WDPCP: variants seen among roughly 807,000 people sequenced by gnomAD.
WDPCP encodes WD repeat containing planar cell polarity effector.
WDPCP carries 71 observed loss-of-function variants against 93.1 expected under a neutral mutation model. That is an observed-to-expected ratio of 0.76 (90% CI 0.63 to 0.93). The LOEUF (loss-of-function observed/expected upper bound fraction) is 0.93. Among genes scored for constraint, WDPCP ranks in the 40% least tolerant of loss-of-function variants. The probability of loss-of-function intolerance (pLI) is 0.00; values close to 1 mark genes in which losing one functional copy is unlikely to be tolerated. For missense variants in WDPCP, 844 were observed against 887.4 expected, an observed-to-expected ratio of 0.95 and a Z score of 0.62; for synonymous variants, 315 against 315.0, an observed-to-expected ratio of 1.00 and a Z score of 0.00.
At chr2:63,200,344 T>C (rs1158595711) in intron 14 of WDPCP, among the ~76,000 whole-genome samples, 1 of 152,210 alleles carries the variant, frequency 6.6e-6, no homozygotes, top group African/African-American at 2.4e-5. Flanking sequence ...GCTGGGTATC[T>C]ACTCAAAAGA....
intron 14 of WDPCP, among the ~76,000 whole-genome samples, chr2:63,252,085 AC>A (rs1680773748): frequency 6.6e-6 from 1 of 152,200 alleles, no homozygotes; most frequent in Non-Finnish European, 1.5e-5. Context: ...AAGTTAATTC[AC>A]CATGATCAAG....
At chr2:63,465,965 G>A (rs1200253885) in intron 6 of WDPCP, among the ~76,000 whole-genome samples, 1 of 152,114 alleles carries the variant, frequency 6.6e-6, no homozygotes, top group Admixed American at 6.6e-5. Flanking sequence ...CCTGCAGCAT[G>A]CCTGTGAATT....
At chr2:63,638,274 C>T (rs1349269574) in intron 3 of WDPCP, among the ~76,000 whole-genome samples, 1 of 152,002 alleles carries the variant, frequency 6.6e-6, no homozygotes. Context: ...TTGAAATTTG[C>T]TATGAGAGTA....
chr2:63,131,507 T>G (rs1670289246), intron 17 of WDPCP, among the ~76,000 whole-genome samples: 1 of 152,162 alleles, frequency 6.6e-6, no homozygotes, highest in Non-Finnish European at 1.5e-5. Flanking sequence ...AAACTTACAT[T>G]TATATATTGT....
intron 12 of WDPCP, among the ~76,000 whole-genome samples, chr2:63,340,680 A>G (rs1688771648): frequency 6.6e-6 from 1 of 152,142 alleles, no homozygotes; most frequent in Non-Finnish European, 1.5e-5. Flanking sequence ...GATGGATGTG[A>G]AAGTCCAATT....
intron 3 of WDPCP, chr2:63,599,246 ACTT>A (rs754360894): frequency 6.2e-7 from 1 of 1,613,752 alleles, no homozygotes; most frequent in Non-Finnish European, 8.5e-7. Flanking sequence ...CCCAAGGAGA[ACTT>A]CAGTTGCTTG....
intron 14 of WDPCP, among the ~76,000 whole-genome samples, chr2:63,178,596 T>C (rs998610899): frequency 3.3e-5 from 5 of 152,012 alleles, no homozygotes; most frequent in African/African-American, 1.2e-4. Context: ...TCTTCTCTCT[T>C]TTTTTTAATT....
Position 63,313,272 on chromosome 2 carries a change from G to A in WDPCP, c.1788C>T (p.Asp596=), listed in dbSNP as rs185980830. ...CCATAAAGAGGTCACGAGCACCAACGTCAACAGCTAGGAGAAATGCCTTTT... is the reference window on the plus strand; with the variant it reads ...CCATAAAGAGGTCACGAGCACCAACATCAACAGCTAGGAGAAATGCCTTTT... ...RFEKAFLLAV[D]VGARDLFMDI... The change falls in exon 13 of 18, where the codon GAC becomes GAT. Residue 596 remains aspartate (D), a synonymous_variant. Transcript: ENST00000272321. The A allele has an allele frequency of 6.7e-5, 108 of 1,613,642 alleles. No homozygotes were observed. In the African/African-American group the frequency reaches 7.1e-4, roughly 11 times the overall value.
chr2:63,707,847 T>A (rs1328522801), intron 2 of WDPCP, among the ~76,000 whole-genome samples: 1 of 152,232 alleles, frequency 6.6e-6, no homozygotes, highest in Non-Finnish European at 1.5e-5. Context: ...CTTCTAACAG[T>A]CAGGACCCTC....
intron 3 of WDPCP, among the ~76,000 whole-genome samples, chr2:63,487,131 C>T (rs1364290190): frequency 6.6e-6 from 1 of 152,022 alleles, no homozygotes; most frequent in Admixed American, 6.6e-5. Context: ...AGGCCAGCAT[C>T]AGTAGGACCC....
At chr2:63,221,344 C>T (rs1677814362) in intron 14 of WDPCP, among the ~76,000 whole-genome samples, 1 of 152,116 alleles carries the variant, frequency 6.6e-6, no homozygotes, top group African/African-American at 2.4e-5. Context: ...CATACATAAA[C>T]TGTGGGATAA....
At chr2:63,492,979 A>G in intron 1 of WDPCP, 39 bp from the exon 2 acceptor site, 8 of 1,556,904 alleles carry the variant, frequency 5.1e-6, no homozygotes, top group Non-Finnish European at 7.1e-6. Flanking sequence ...CCAATTAATT[A>G]TCTTCTATTG....
chr2:63,675,361 T>C, intron 2 of WDPCP, among the ~76,000 whole-genome samples: 1 of 152,192 alleles, frequency 6.6e-6, no homozygotes, highest in African/African-American at 2.4e-5. Context: ...GTTTCTATCA[T>C]ACTCTCTCCA....
chr2:63,712,655 T>C (rs1241422621), intron 2 of WDPCP, among the ~76,000 whole-genome samples: 1 of 152,222 alleles, frequency 6.6e-6, no homozygotes, highest in Non-Finnish European at 1.5e-5. Flanking sequence ...AAAATTCCAC[T>C]TCAGGGACAT....
Position 63,679,392 on chromosome 2 carries a change from C to A in WDPCP, n.309-28554G>T, listed in dbSNP as rs138158677. On this transcript the variant is annotated intron_variant and non_coding_transcript_variant, in intron 2 of 4. Coordinates refer to the WDPCP transcript ENST00000467687. ...CATGACACACGGAGCTGTCAGTAGT[C>A]ATGGCACATGCAGAATCCTGTTGGG... is the stretch of plus-strand genomic sequence containing the variant. 1.6e-4 allele frequency among the ~76,000 whole-genome samples: 25 copies of A among 152,252 alleles called. 1 individual carries two copies. In the East Asian group the frequency reaches 4.6e-3, roughly 28 times the overall value.
At chr2:63,396,658 C>CTTT (rs756383008) in intron 10 of WDPCP, among the ~76,000 whole-genome samples, 1 of 150,756 alleles carries the variant, frequency 6.6e-6, no homozygotes, top group Non-Finnish European at 1.5e-5. Context: ...AAGTATTTCT[C>CTTT]TTTTTTTTTA....
chr2:63,564,171 G>C (rs569414724), intron 1 of WDPCP: 12 of 152,246 alleles, frequency 7.9e-5, no homozygotes, highest in East Asian at 3.9e-4. Context: ...TAGGTGGAAA[G>C]GTGCTTCATT....
chr2:63,629,055 G>A (rs983462891), intron 3 of WDPCP, among the ~76,000 whole-genome samples: 7 of 152,214 alleles, frequency 4.6e-5, no homozygotes, highest in African/African-American at 1.7e-4. Flanking sequence ...TATAACTAAA[G>A]GAGTAACATG....
chr2:63,607,626 C>T (rs543115980), intron 3 of WDPCP, among the ~76,000 whole-genome samples: 1 of 150,798 alleles, frequency 6.6e-6, no homozygotes, highest in East Asian at 2.0e-4. Flanking sequence ...GTCAGGAGAT[C>T]GAGACCATCC....
Sources: gnomAD v4.1 joint callset for allele counts (sites outside exome capture counted in the v4.1 genomes callset) on GRCh38, gnomAD v4.1.1 for gene constraint, MANE v1.5 for transcripts, NCBI Gene and HGNC (gene_info 2026-07-23, HGNC 2026-07-21) for gene names.